Variants in REPS2 observed in about 807,000 individuals in gnomAD.
The protein encoded by REPS2 is ralBP1-associated Eps domain-containing protein 2.
REPS2 carries 23 observed loss-of-function variants against 53.6 expected under a neutral mutation model. The ratio of observed to expected loss-of-function variants is 0.43; its 90% CI spans 0.31 to 0.61. The LOEUF (loss-of-function observed/expected upper bound fraction) is 0.61. REPS2 is among the 20% of genes least tolerant of loss of function. REPS2 has a pLI of 0.11. For missense variants in REPS2, 446 were observed against 534.9 expected (o/e 0.83, Z 1.64); for synonymous variants, 238 against 218.6 (o/e 1.09, Z -0.78).
chrX:17,196,170 G>A, the REPS2 span, among the ~76,000 whole-genome samples: 577 of 111,671 alleles, frequency 5.2e-3, 6 homozygotes, highest in African/African-American at 0.017. Flanking sequence ...TAGATACAGC[G>A]TAGGACAAAA....
intron 8 of REPS2, among the ~76,000 whole-genome samples, chrX:17,057,065 A>G (rs2062081822): frequency 8.9e-6 from 1 of 112,305 alleles, no homozygotes; most frequent in South Asian, 3.7e-4. Context: ...CCCCAGAAAC[A>G]GCTGGTGCTT....
rs1251266479 is a variant in REPS2, at chrX:16,947,114, C to T, written c.253C>T (p.Pro85Ser). 9.1e-7 allele frequency: 1 copy of T among 1,094,006 alleles called. No individual in the cohort carries two copies. Among genetic ancestry groups the T allele is most frequent in the Non-Finnish European group, 1.2e-6 (1 of 842,503 alleles). The allele number at this position is 1,094,006 out of a possible 1,213,427, so 90.2% of individuals were successfully genotyped here. A position where few individuals can be genotyped will look rare whatever the true frequency, so the allele number is the denominator to read the frequency against. Residue 85 changes from proline to serine, a missense_variant, in exon 1 of 18, where the codon CCC (proline) becomes TCC (serine). Coordinates refer to ENST00000357277, the MANE Select transcript of REPS2 (RefSeq NM_004726.3). ...TGACCTGTTTCGGGCATCGCAGCTG[C>T]CCGCCGAGACGCTGCACCAGGTGGG... Reference protein sequence around the residue: ...VADLFRASQLPAETLHQITEL... With the variant: ...VADLFRASQLSAETLHQITEL...
At chrX:17,109,160 G>A (rs766559442) in intron 14 of REPS2, among the ~76,000 whole-genome samples, 14 of 110,577 alleles carry the variant, frequency 1.3e-4, no homozygotes, top group African/African-American at 4.3e-4. Flanking sequence ...GAGAGAAACA[G>A]CCCCTACCAA....
intron 11 of REPS2, among the ~76,000 whole-genome samples, chrX:17,071,010 C>T (rs1378009222): frequency 9.0e-6 from 1 of 111,638 alleles, no homozygotes; most frequent in Admixed American, 9.5e-5. Flanking sequence ...TTAGGCAGCT[C>T]CCCAGTTGGT....
At chrX:16,978,658 A>C in intron 1 of REPS2, 1 of 527,760 alleles carries the variant, frequency 1.9e-6, no homozygotes, top group Non-Finnish European at 2.3e-6. Flanking sequence ...AGAGGGGCAC[A>C]GAATCCCAGC....
At position 16,946,873 on chromosome X, in the gene REPS2, A is replaced by AGCGGCG. The variant is rs1159423697; in HGVS notation, c.27_32dup (p.Ala16_Ala17dup). On this transcript the variant is annotated inframe_insertion, in exon 1 of 18. Coordinates refer to ENST00000357277, the MANE Select transcript of REPS2 (RefSeq NM_004726.3). ...CCCTTGCTGGCCCCATGGAGGCGGC[A>AGCGGCG]GCGGCGGCGGCGGCGGCGGCAGCGG... is the stretch of plus-strand genomic sequence containing the variant. The AGCGGCG allele has an allele frequency of 1.4e-4, 105 of 744,931 alleles. No individual in the cohort carries two copies. The South Asian group carries it at 2.0e-3, about 14-fold the overall frequency. The allele number at this position is 744,931 out of a possible 1,213,427, so 61.4% of individuals were successfully genotyped here. A position where few individuals can be genotyped will look rare whatever the true frequency, so the allele number is the denominator to read the frequency against.
the REPS2 span, among the ~76,000 whole-genome samples, chrX:17,178,572 C>T: frequency 2.7e-5 from 3 of 111,923 alleles, no homozygotes; most frequent in African/African-American, 9.8e-5. Context: ...TCCCTAGACC[C>T]CTTGTCTTTA....
intron 1 of REPS2, among the ~76,000 whole-genome samples, chrX:16,948,109 T>C (rs1290316325): frequency 8.9e-6 from 1 of 112,218 alleles, no homozygotes; most frequent in East Asian, 2.8e-4. Flanking sequence ...ACCAATGGAA[T>C]ATTTAGAGTG....
In REPS2 at chrX:16,965,405, C is replaced by T. The variant is rs1429654068; in HGVS notation, c.273+18271C>T. 8.7e-5 allele frequency among the ~76,000 whole-genome samples: 8 copies of T among 91,594 alleles called. No individual in the cohort carries two copies. In the East Asian group the frequency reaches 2.6e-3, roughly 30 times the overall value. The allele number at this position is 91,594 out of a possible 115,157, so 79.5% of individuals were successfully genotyped here. A position where few individuals can be genotyped will look rare whatever the true frequency, so the allele number is the denominator to read the frequency against. ...CCTCCCGGACGAGGTGGCTGCCGGG[C>T]GGAGACGCTCCTCACTTCCCAGACG... is the stretch of plus-strand genomic sequence containing the variant. On this transcript the variant is annotated intron_variant, in intron 1 of 17. Transcript: ENST00000357277.
At chrX:17,068,575 C>A in intron 10 of REPS2, 104 bp downstream of exon 10, 1 of 537,454 alleles carries the variant, frequency 1.9e-6, no homozygotes, top group Non-Finnish European at 3.1e-6. Context: ...TGGTTCTCAG[C>A]ATGTAAACAC....
chrX:17,184,283 G>A, the REPS2 span, among the ~76,000 whole-genome samples: 1 of 100,441 alleles, frequency 1.0e-5, no homozygotes, highest in Admixed American at 1.1e-4. Context: ...GTGGTGTTTG[G>A]TTTTTTGTTC....
At chrX:17,128,135 C>T (rs1181015140) in intron 14 of REPS2, among the ~76,000 whole-genome samples, 1 of 31,967 alleles carries the variant, frequency 3.1e-5, no homozygotes, top group Non-Finnish European at 4.8e-5. Flanking sequence ...AGGTCAGCTT[C>T]CCTAGAAGCA....
At chrX:17,137,747 C>T (rs1328455669) in intron 16 of REPS2, 2 of 111,689 alleles carry the variant, frequency 1.8e-5, no homozygotes, top group Non-Finnish European at 3.8e-5. Context: ...GCTGGAACTA[C>T]AGGCATGAGC....
chrX:17,173,718 T>A, the REPS2 span, among the ~76,000 whole-genome samples: 3 of 112,091 alleles, frequency 2.7e-5, no homozygotes, highest in African/African-American at 9.7e-5. Context: ...TATTTGAACC[T>A]TAGTGTTCCA....
chrX:17,028,658 C>G (rs2147864671), intron 4 of REPS2, among the ~76,000 whole-genome samples: 1 of 112,542 alleles, frequency 8.9e-6, no homozygotes, highest in South Asian at 3.6e-4. Flanking sequence ...TTAAAAAGAG[C>G]AAACTATGTT....
the REPS2 span, among the ~76,000 whole-genome samples, chrX:17,178,743 C>A: frequency 4.5e-5 from 5 of 111,508 alleles, no homozygotes; most frequent in African/African-American, 1.6e-4. Flanking sequence ...TCCTGGCCAA[C>A]ATGGTGAAAC....
the REPS2 span, among the ~76,000 whole-genome samples, chrX:17,172,206 T>C: frequency 8.9e-6 from 1 of 112,137 alleles, no homozygotes; most frequent in East Asian, 2.8e-4. Flanking sequence ...TGTTATCCTG[T>C]ATCTTGATTT....
At chrX:17,008,160 C>T (rs1415940670) in intron 2 of REPS2, among the ~76,000 whole-genome samples, 1 of 112,075 alleles carries the variant, frequency 8.9e-6, no homozygotes, top group Admixed American at 9.5e-5. Context: ...CAAGACACAG[C>T]GGCCATTTGC....
chrX:17,118,586 GA>G (rs1421141791), intron 14 of REPS2, among the ~76,000 whole-genome samples: 1 of 112,238 alleles, frequency 8.9e-6, no homozygotes, highest in Non-Finnish European at 1.9e-5. Flanking sequence ...AAAAGGGCTG[GA>G]AAAGGTTTCT....
Sources: gnomAD v4.1 joint callset for allele counts (sites outside exome capture counted in the v4.1 genomes callset) on GRCh38, gnomAD v4.1.1 for gene constraint, MANE v1.5 for transcripts, NCBI Gene and HGNC (gene_info 2026-07-23, HGNC 2026-07-21) for gene names.